Variants in NSF observed in about 807,000 individuals in gnomAD.
NSF encodes the protein N-ethylmaleimide sensitive factor, vesicle fusing ATPase, also known as vesicle-fusing ATPase.
In NSF, 14 loss-of-function variants were observed where a neutral mutation model predicts 50.3. That is an observed-to-expected ratio of 0.28 (90% CI 0.18 to 0.44). NSF has a LOEUF of 0.44. NSF is among the 20% of genes least tolerant of loss of function. NSF has a pLI of 1.00. For synonymous variants in NSF, 109 were observed against 175.7 expected (o/e 0.62, Z 3.00); for missense variants, 218 against 504.3 (o/e 0.43, Z 5.44).
rs1568013908 is a variant in NSF at position 46,610,031 on chromosome 17, C to CTT, written c.13-14212_13-14211insTT. 2.4e-3 allele frequency among the ~76,000 whole-genome samples: 165 copies of CTT among 69,812 alleles called. 4 individuals are homozygous for CTT. The highest frequency in any genetic ancestry group is 5.5e-3 in the African/African-American group (130 of 23,722). 45.8% of individuals were successfully genotyped at this position (69,812 alleles called of 152,430 possible). On this transcript the variant is annotated intron_variant, in intron 1 of 20. Transcript: ENST00000398238. Reference sequence around the variant, plus strand: ...TCTCTTTCTTTCTTTCTTTCTTTCTCTCTCTCTCTCTCTTTCTTTCTTTCT... The same window carrying CTT: ...TCTCTTTCTTTCTTTCTTTCTTTCTCTTTCTCTCTCTCTCTTTCTTTCTTTCT...
At chr17:46,733,920 A>T (rs1209263284) in intron 17 of NSF, among the ~76,000 whole-genome samples, 2 of 152,204 alleles carry the variant, frequency 1.3e-5, no homozygotes, top group Non-Finnish European at 2.9e-5. Flanking sequence ...ATTACCTAAT[A>T]AGAGAGAAAT....
chr17:46,697,057 T>C (rs1434085069), intron 12 of NSF, among the ~76,000 whole-genome samples: 1 of 132,838 alleles, frequency 7.5e-6, no homozygotes, highest in Non-Finnish European at 1.6e-5. Context: ...AAGCCTATTT[T>C]AGTGCTTTTA....
At chr17:46,708,575 T>A (rs2058681159) in intron 13 of NSF, among the ~76,000 whole-genome samples, 1 of 139,948 alleles carries the variant, frequency 7.1e-6, no homozygotes, top group Non-Finnish European at 1.5e-5. Flanking sequence ...CACTGCAACC[T>A]CTGCCTCCCA....
Position 46,751,530 on chromosome 17 carries a change from C to T in NSF, c.2071C>T (p.Arg691Cys), listed in dbSNP as rs540304545. 4.3e-6 allele frequency: 7 copies of T among 1,613,882 alleles called. No homozygotes were observed. Among genetic ancestry groups the T allele is most frequent in the African/African-American group, 2.7e-5 (2 of 75,006 alleles). ...TTTGGGCAACTTCAAGGATAAGGAA[C>T]GCACCACAATTGCACAGCAAGTCAA... ...ELLGNFKDKE[R>C]TTIAQQVKGK... The change falls in exon 19 of 21, where the codon CGC becomes TGC. Residue 691 changes from arginine (R) to cysteine (C), a missense_variant. This residue lies in a region of NSF where 209 missense variants were observed against 320.9 expected (regional missense o/e 0.65). Coordinates refer to ENST00000398238, the MANE Select transcript of NSF (RefSeq NM_006178.4).
intron 19 of NSF, among the ~76,000 whole-genome samples, chr17:46,752,527 C>T (rs1272366104): frequency 6.6e-6 from 1 of 152,182 alleles, no homozygotes; most frequent in Non-Finnish European, 1.5e-5. Flanking sequence ...ATGATCATGG[C>T]TTACTGCAGT....
intron 19 of NSF, among the ~76,000 whole-genome samples, chr17:46,752,058 A>T (rs1463158197): frequency 1.3e-5 from 2 of 152,166 alleles, no homozygotes; most frequent in South Asian, 2.1e-4. Flanking sequence ...TGTCTGGGAG[A>T]CTGCTTTAAG....
chr17:46,592,860 A>C (rs1598630985), intron 1 of NSF, among the ~76,000 whole-genome samples: 1 of 125,570 alleles, frequency 8.0e-6, no homozygotes, highest in Non-Finnish European at 1.7e-5. Flanking sequence ...TATCTCACTG[A>C]ATGATACCAT....
chr17:46,716,237 C>T (rs1007585072), intron 15 of NSF, among the ~76,000 whole-genome samples: 2 of 148,998 alleles, frequency 1.3e-5, no homozygotes, highest in Non-Finnish European at 3.0e-5. Flanking sequence ...TCTAGTCTAC[C>T]TCCCACTACT....
Position 46,755,821 on chromosome 17 carries a change from T to G in NSF, c.2233T>G (p.Ter745GlyextTer2), listed in dbSNP as rs372379769. 10 of 1,612,278 alleles carry G rather than the reference T, an allele frequency of 6.2e-6. No individual in the cohort carries two copies. Among genetic ancestry groups the G allele is most frequent in the Non-Finnish European group, 8.5e-6 (10 of 1,179,744 alleles). ...EEGASPLDFD[*>G] is the part of the protein sequence containing the mutation. ...TTGCAGTAGCCCCCTTGATTTTGAT[T>G]GAAAATGAACTATTTGAAACACACA... Residue 745 changes from the stop codon to glycine, a stop_lost, in exon 21 of 21, where the codon TGA (stop) becomes GGA (glycine). Coordinates refer to ENST00000398238, the MANE Select transcript of NSF (RefSeq NM_006178.4).
chr17:46,743,419 A>T (rs1179934031), intron 17 of NSF, among the ~76,000 whole-genome samples: 1 of 152,134 alleles, frequency 6.6e-6, no homozygotes, highest in Non-Finnish European at 1.5e-5. Flanking sequence ...CGCCTCAGGA[A>T]TCTCCACCTC....
chr17:46,609,603 TTA>T (rs1451284696), intron 1 of NSF, among the ~76,000 whole-genome samples: 4 of 147,848 alleles, frequency 2.7e-5, no homozygotes, highest in African/African-American at 7.6e-5. Context: ...GTAAATACTA[TTA>T]TGTTTATATT....
chr17:46,609,409 T>C (rs1484217479), intron 1 of NSF, among the ~76,000 whole-genome samples: 1 of 151,852 alleles, frequency 6.6e-6, no homozygotes, highest in Non-Finnish European at 1.5e-5. Context: ...GTCACTGCTT[T>C]GTTGTTAATT....
intron 17 of NSF, among the ~76,000 whole-genome samples, chr17:46,747,360 A>G (rs2059140124): frequency 6.6e-6 from 1 of 152,172 alleles, no homozygotes; most frequent in Non-Finnish European, 1.5e-5. Flanking sequence ...GGCTCACTCC[A>G]GCCTCAAACT....
At chr17:46,741,875 C>G (rs1046188657) in intron 17 of NSF, among the ~76,000 whole-genome samples, 2 of 152,230 alleles carry the variant, frequency 1.3e-5, no homozygotes, top group Non-Finnish European at 2.9e-5. Flanking sequence ...CAAGCGTTCT[C>G]CTGCCTCAGC....
At chr17:46,703,701 A>AAAAC (rs2058630471) in intron 12 of NSF, among the ~76,000 whole-genome samples, 18 of 148,592 alleles carry the variant, frequency 1.2e-4, no homozygotes, top group African/African-American at 4.2e-4. Context: ...AAAAAAAAAA[A>AAAAC]AAACAAAAAA....
intron 17 of NSF, among the ~76,000 whole-genome samples, chr17:46,734,297 A>G (rs958274860): frequency 3.0e-4 from 45 of 152,330 alleles, no homozygotes; most frequent in East Asian, 2.7e-3. Flanking sequence ...AATAAGATAT[A>G]TAACCACTTT....
At chr17:46,737,566 T>C (rs954612514) in intron 17 of NSF, among the ~76,000 whole-genome samples, 1 of 97,166 alleles carries the variant, frequency 1.0e-5, no homozygotes, top group Non-Finnish European at 2.4e-5. Context: ...ACCTAGGGTG[T>C]GTGTGCGTGT....
chr17:46,730,244 A>T (rs2058936278), intron 17 of NSF, among the ~76,000 whole-genome samples: 1 of 152,202 alleles, frequency 6.6e-6, no homozygotes, highest in Admixed American at 6.5e-5. Flanking sequence ...TCAGCATATT[A>T]ATTATAAAAA....
chr17:46,734,449 A>C (rs895075691), intron 17 of NSF, among the ~76,000 whole-genome samples: 1 of 152,060 alleles, frequency 6.6e-6, no homozygotes, highest in Non-Finnish European at 1.5e-5. Flanking sequence ...AGTCAGTGAC[A>C]TTAGATACCT....
Sources: gnomAD v4.1 joint callset for allele counts (sites outside exome capture counted in the v4.1 genomes callset) on GRCh38, gnomAD v4.1.1 for gene constraint, gnomAD v4.1.1 regional missense constraint, MANE v1.5 for transcripts, NCBI Gene and HGNC (gene_info 2026-07-23, HGNC 2026-07-21) for gene names.